The following PROM1 variants were observed in gnomAD, a reference collection of about 807,000 sequenced individuals.
PROM1 encodes prominin 1.
A neutral mutation model predicts 116.9 loss-of-function variants in PROM1; 105 were observed. The ratio of observed to expected loss-of-function variants is 0.90; its 90% CI spans 0.77 to 1.06. The LOEUF is 1.06. Ranked by LOEUF, PROM1 falls within the 50% of genes least tolerant of loss-of-function variation. The pLI is 0.00. For synonymous variants in PROM1, 393 were observed against 387.0 expected, an observed-to-expected ratio of 1.02 and a Z score of -0.18; for missense variants, 1,122 against 1,045.2, an observed-to-expected ratio of 1.07 and a Z score of -1.01.
At chr4:16,049,419 T>TTATA (rs1369552884) in intron 2 of PROM1, among the ~76,000 whole-genome samples, 2 of 152,206 alleles carry the variant, frequency 1.3e-5, no homozygotes, top group African/African-American at 4.8e-5. Context: ...ATGATTTTCC[T>TTATA]TATATATAGT....
intron 24 of PROM1, 101 bp downstream of exon 24, chr4:15,980,314 AAAAAAAG>A: frequency 1.1e-6 from 1 of 872,800 alleles, no homozygotes; most frequent in Admixed American, 2.3e-5. Flanking sequence ...AAAAAAAAAA[AAAAAAAG>A]AAATCAACTT....
intron 2 of PROM1, among the ~76,000 whole-genome samples, chr4:16,072,218 T>A (rs1742973547): frequency 6.6e-6 from 1 of 152,180 alleles, no homozygotes; most frequent in African/African-American, 2.4e-5. Context: ...AAGCTGGAAC[T>A]TGAGAAAAAG....
At chr4:16,063,223 T>G (rs1740754934) in intron 2 of PROM1, among the ~76,000 whole-genome samples, 1 of 152,096 alleles carries the variant, frequency 6.6e-6, no homozygotes, top group South Asian at 2.1e-4. Flanking sequence ...AGGGAAATAG[T>G]GTAGGAAAAG....
rs995529502 is a variant in PROM1, at chr4:15,992,270, T to G, written c.1889A>C (p.Asn630Thr). The change falls in exon 17 of 28, where the codon AAT becomes ACT. Residue 630 changes from asparagine to threonine, a missense_variant. Transcript: ENST00000447510. ...DFAACGIDRM[N>T]YDSYLAQTGK... ...TACCTGAGCCAAGTAGCTGTCATAA[T>G]TCATTCTGTCTATTCCACAAGCAGC... is the stretch of plus-strand genomic sequence containing the variant. 6.2e-7 allele frequency: 1 copy of G among 1,613,938 alleles called. No homozygotes were observed. The highest frequency in any genetic ancestry group is 1.7e-5 in the Admixed American group (1 of 60,028).
intron 2 of PROM1, among the ~76,000 whole-genome samples, chr4:16,074,029 T>C (rs958490248): frequency 2.6e-5 from 4 of 152,208 alleles, no homozygotes; most frequent in South Asian, 4.1e-4. Context: ...GAGGAAATGA[T>C]TGTAAATTCA....
Position 16,013,339 on chromosome 4 carries a change from C to T in PROM1, c.1078-1G>A. Reference sequence around the variant, plus strand: ...GTATATCATTAAGGGATTGATAGCCCTGAAAAATATTTCAAAATAAAAGGA... The same window carrying T: ...GTATATCATTAAGGGATTGATAGCCTTGAAAAATATTTCAAAATAAAAGGA... On this transcript the variant is annotated splice_acceptor_variant, in intron 10 of 27. Coordinates refer to ENST00000447510, the MANE Select transcript of PROM1 (RefSeq NM_006017.3). LOFTEE classifies it high-confidence loss of function. 1 of 1,597,910 alleles carries T rather than the reference C, an allele frequency of 6.3e-7. No individual in the cohort carries two copies. Among genetic ancestry groups the T allele is most frequent in the South Asian group, 1.1e-5 (1 of 90,708 alleles).
At chr4:16,059,622 T>C (rs1739854888) in intron 2 of PROM1, among the ~76,000 whole-genome samples, 1 of 152,106 alleles carries the variant, frequency 6.6e-6, no homozygotes, top group East Asian at 1.9e-4. Flanking sequence ...GAGGATCGCC[T>C]AAGCCCAGGA....
intron 8 of PROM1, among the ~76,000 whole-genome samples, chr4:16,021,477 T>C (rs1729869873): frequency 6.6e-6 from 1 of 152,214 alleles, no homozygotes; most frequent in Non-Finnish European, 1.5e-5. Context: ...TCACATAATA[T>C]ATGTGAGCTT....
chr4:16,078,506 G>A (rs572666343), intron 1 of PROM1, among the ~76,000 whole-genome samples: 7 of 152,314 alleles, frequency 4.6e-5, no homozygotes, highest in Non-Finnish European at 7.4e-5. Flanking sequence ...TTCCTTGTGC[G>A]GTTTCATGAG....
chr4:15,988,568 G>A (rs1317035961), intron 19 of PROM1, among the ~76,000 whole-genome samples: 1 of 152,218 alleles, frequency 6.6e-6, no homozygotes, highest in Admixed American at 6.5e-5. Flanking sequence ...CCTGCAGGCT[G>A]TAGTTTGCAG....
At chr4:15,987,095 G>GCCA (rs1419985207) in intron 20 of PROM1, among the ~76,000 whole-genome samples, 1 of 152,222 alleles carries the variant, frequency 6.6e-6, no homozygotes, top group Non-Finnish European at 1.5e-5. Flanking sequence ...TACTTCCCCA[G>GCCA]CCAGACGACG....
At chr4:16,032,626 G>A (rs1397919837) in intron 5 of PROM1, among the ~76,000 whole-genome samples, 1 of 152,168 alleles carries the variant, frequency 6.6e-6, no homozygotes, top group Non-Finnish European at 1.5e-5. Context: ...GAACACTGCT[G>A]TGGCGCACTC....
chr4:16,008,844 G>T, intron 12 of PROM1, 105 bp downstream of exon 12: 2 of 1,131,826 alleles, frequency 1.8e-6, no homozygotes, highest in Non-Finnish European at 2.5e-6. Context: ...TGGCCTCCTT[G>T]TACAATTTGC....
intron 2 of PROM1, among the ~76,000 whole-genome samples, chr4:16,061,447 G>C (rs1445849167): frequency 2.0e-5 from 3 of 152,162 alleles, no homozygotes; most frequent in Non-Finnish European, 4.4e-5. Flanking sequence ...AATAGATAAT[G>C]TGATTCAAAT....
At chr4:15,971,251 G>C (rs940925559) in intron 26 of PROM1, 169 bp from the exon 27 acceptor site, 1 of 557,564 alleles carries the variant, frequency 1.8e-6, no homozygotes, top group Non-Finnish European at 3.2e-6. Flanking sequence ...GGTTACTCTA[G>C]CTTCTGTTTG....
At chr4:16,033,236 C>A in intron 5 of PROM1, 68 bp downstream of exon 5, 1 of 1,353,966 alleles carries the variant, frequency 7.4e-7, no homozygotes, top group Admixed American at 2.2e-5. Flanking sequence ...CATGGTTTAA[C>A]CATAAAAATG....
chr4:15,984,366 G>T lies in PROM1; in HGVS notation c.2281-11C>A. The T allele has an allele frequency of 6.6e-7, 1 of 1,504,176 alleles. No homozygotes were observed. The highest frequency in any genetic ancestry group is 9.0e-7 in the Non-Finnish European group (1 of 1,113,398). The allele number at this position is 1,504,176 out of a possible 1,614,324, so 93.2% of individuals were successfully genotyped here. On this transcript the variant is annotated splice_polypyrimidine_tract_variant and intron_variant, in intron 22 of 27. Transcript: ENST00000447510. ...CACTTTCTCACTGATCTAGGGGGGT[G>T]GAAACACAGGGAAACTTTGAGCTGC...
At chr4:16,077,074 C>T (rs1303745409) in intron 1 of PROM1, among the ~76,000 whole-genome samples, 2 of 152,150 alleles carry the variant, frequency 1.3e-5, no homozygotes, top group African/African-American at 2.4e-5. Context: ...TCCCCCAGCC[C>T]GACACCCGTA....
chr4:15,982,222 G>A (rs1328584790), intron 23 of PROM1, among the ~76,000 whole-genome samples: 1 of 152,096 alleles, frequency 6.6e-6, no homozygotes, highest in Admixed American at 6.5e-5. Context: ...AGCCCACCAT[G>A]AGGCCAAATG....
Sources: gnomAD v4.1 joint callset for allele counts (sites outside exome capture counted in the v4.1 genomes callset) on GRCh38, gnomAD v4.1.1 for gene constraint, MANE v1.5 for transcripts, NCBI Gene and HGNC (gene_info 2026-07-23, HGNC 2026-07-21) for gene names.